CCDC171: variants seen among roughly 807,000 people sequenced by gnomAD.
The protein encoded by CCDC171 is coiled-coil domain-containing protein 171.
Under a neutral mutation model 168.2 loss-of-function variants are expected in CCDC171, and 177 were observed. The observed-to-expected ratio is 1.05, with a 90% CI of 0.93 to 1.19. The LOEUF (loss-of-function observed/expected upper bound fraction) is 1.19, where lower values mean the gene tolerates loss of function less well. Ranked by LOEUF, CCDC171 falls within the 50% of genes most tolerant of loss-of-function variation. The probability of loss-of-function intolerance (pLI) is 0.00; values close to 1 mark genes in which losing one functional copy is unlikely to be tolerated. For synonymous variants in CCDC171, 687 were observed against 540.8 expected, an observed-to-expected ratio of 1.27 and a Z score of -3.75; for missense variants, 1,991 against 1,539.0, an observed-to-expected ratio of 1.29 and a Z score of -4.91.
intron 18 of CCDC171, among the ~76,000 whole-genome samples, chr9:15,767,901 T>G (rs10962146): frequency 2.4e-5 from 3 of 126,202 alleles, no homozygotes; most frequent in African/African-American, 9.8e-5. Context: ...ATTAAAAAAA[T>G]TTTTTTAATT....
chr9:15,622,620 G>A (rs1307563075), intron 6 of CCDC171, among the ~76,000 whole-genome samples: 1 of 152,066 alleles, frequency 6.6e-6, no homozygotes, highest in African/African-American at 2.4e-5. Context: ...TGATATTTGT[G>A]TTAACTTTAC....
chr9:15,962,340 T>C (rs1460806275), intron 25 of CCDC171, among the ~76,000 whole-genome samples: 2 of 152,176 alleles, frequency 1.3e-5, no homozygotes, highest in Admixed American at 1.3e-4. Flanking sequence ...TACTTAACTA[T>C]GCTTCTGGTT....
chr9:15,712,202 C>T (rs183098180), intron 11 of CCDC171, among the ~76,000 whole-genome samples: 110 of 152,278 alleles, frequency 7.2e-4, no homozygotes, highest in African/African-American at 2.5e-3. Context: ...GGGCAATCTG[C>T]CAATTCAGAT....
intron 11 of CCDC171, among the ~76,000 whole-genome samples, chr9:15,721,377 A>C (rs930739015): frequency 6.6e-6 from 1 of 151,940 alleles, no homozygotes; most frequent in Non-Finnish European, 1.5e-5. Flanking sequence ...AACAATGGTA[A>C]TGTATACTTC....
intron 10 of CCDC171, among the ~76,000 whole-genome samples, chr9:15,682,435 C>A (rs1460331810): frequency 2.6e-5 from 4 of 151,716 alleles, no homozygotes; most frequent in African/African-American, 9.7e-5. Context: ...TAAATATAAA[C>A]CAGCTAAATT....
intron 24 of CCDC171, among the ~76,000 whole-genome samples, chr9:15,912,492 A>G (rs1420056947): frequency 6.6e-6 from 1 of 152,180 alleles, no homozygotes; most frequent in Non-Finnish European, 1.5e-5. Flanking sequence ...TGTCATCTGC[A>G]AACAGAGGTA....
intron 23 of CCDC171, among the ~76,000 whole-genome samples, chr9:15,869,929 G>T (rs935009184): frequency 1.3e-4 from 19 of 151,778 alleles, no homozygotes; most frequent in Non-Finnish European, 1.0e-4. Flanking sequence ...GGTGATAAAA[G>T]AATATTATCT....
At chr9:15,631,900 A>G (rs2045741980) in intron 7 of CCDC171, among the ~76,000 whole-genome samples, 1 of 152,206 alleles carries the variant, frequency 6.6e-6, no homozygotes, top group Non-Finnish European at 1.5e-5. Flanking sequence ...CATCATATAA[A>G]CAGAACCAAA....
intron 16 of CCDC171, 81 bp downstream of exon 16, chr9:15,729,879 G>A: frequency 9.2e-7 from 1 of 1,091,794 alleles, no homozygotes; most frequent in Non-Finnish European, 1.3e-6. Flanking sequence ...CAGTAGCAGT[G>A]CTAAATCAGT....
intron 3 of CCDC171, among the ~76,000 whole-genome samples, chr9:15,985,864 A>T (rs1481226279): frequency 6.6e-6 from 1 of 152,244 alleles, no homozygotes; most frequent in African/African-American, 2.4e-5. Context: ...ATTCACCAAG[A>T]AGTGGTCAGA....
chr9:15,671,653 C>A (rs2049120016), intron 9 of CCDC171, among the ~76,000 whole-genome samples: 1 of 151,612 alleles, frequency 6.6e-6, no homozygotes, highest in East Asian at 2.0e-4. Context: ...ATGATGGTTT[C>A]CAGCTTCATC....
intron 7 of CCDC171, among the ~76,000 whole-genome samples, chr9:15,654,409 C>T (rs1365682241): frequency 1.3e-5 from 2 of 152,252 alleles, no homozygotes; most frequent in South Asian, 4.1e-4. Flanking sequence ...TCTACAAAGG[C>T]CTCTAGAGAA....
intron 11 of CCDC171, among the ~76,000 whole-genome samples, chr9:15,717,443 T>C (rs553231404): frequency 6.6e-6 from 1 of 152,318 alleles, no homozygotes; most frequent in South Asian, 2.1e-4. Flanking sequence ...GTCCTAGTGC[T>C]GTGCTGGGCT....
intron 2 of CCDC171, among the ~76,000 whole-genome samples, chr9:15,566,618 T>C (rs2039752493): frequency 6.6e-6 from 1 of 152,204 alleles, no homozygotes; most frequent in South Asian, 2.1e-4. Flanking sequence ...TCCTGTTTAG[T>C]GGCTTGACTT....
intron 7 of CCDC171, among the ~76,000 whole-genome samples, chr9:15,646,975 T>C (rs1202723288): frequency 1.3e-5 from 2 of 152,198 alleles, no homozygotes; most frequent in Non-Finnish European, 2.9e-5. Flanking sequence ...ATTGCACTTA[T>C]TCCAAAATTG....
intron 24 of CCDC171, among the ~76,000 whole-genome samples, chr9:15,909,728 G>C (rs1383249000): frequency 6.6e-6 from 1 of 152,116 alleles, no homozygotes; most frequent in Non-Finnish European, 1.5e-5. Context: ...TAATAAATGA[G>C]CAACCATATC....
rs58407296 is a variant in CCDC171, at chr9:15,736,661, T to TTTTCTTTCTTTCTTTC, written c.2049+6879_2049+6894dup. Among the ~76,000 whole-genome samples the TTTTCTTTCTTTCTTTC allele has an allele frequency of 3.7e-3, 545 of 148,002 alleles. 1 individual carries two copies. The highest frequency in any genetic ancestry group is 9.2e-3 in the African/African-American group (368 of 39,892). ...GCCACGGTGCCCGGCTCACATTTCT[T>TTTTCTTTCTTTCTTTC]TTTCTTTCTTTCTTTCTTTCTTTCT... is the stretch of plus-strand genomic sequence containing the variant. On this transcript the variant is annotated intron_variant, in intron 16 of 25. Coordinates refer to ENST00000380701, the MANE Select transcript of CCDC171 (RefSeq NM_173550.4).
At chr9:15,599,257 G>C (rs1395438381) in intron 6 of CCDC171, among the ~76,000 whole-genome samples, 1 of 152,094 alleles carries the variant, frequency 6.6e-6, no homozygotes, top group African/African-American at 2.4e-5. Flanking sequence ...TGGTCTTTAC[G>C]ATTTGGCATG....
chr9:15,881,278 A>G (rs969459604), intron 24 of CCDC171, among the ~76,000 whole-genome samples: 3 of 152,188 alleles, frequency 2.0e-5, no homozygotes, highest in African/African-American at 7.2e-5. Context: ...ATTACAAGAA[A>G]TGAAATACTA....
Sources: gnomAD v4.1 joint callset for allele counts (sites outside exome capture counted in the v4.1 genomes callset) on GRCh38, gnomAD v4.1.1 for gene constraint, MANE v1.5 for transcripts, NCBI Gene and HGNC (gene_info 2026-07-23, HGNC 2026-07-21) for gene names.